EVL: variants seen among roughly 807,000 people sequenced by gnomAD.
EVL encodes the protein Enah/Vasp-like.
Under a neutral mutation model 59.6 loss-of-function variants are expected in EVL, and 21 were observed. The observed-to-expected ratio is 0.35, with a 90% CI of 0.25 to 0.51. EVL has a LOEUF of 0.51. Ranked by LOEUF, EVL falls within the 20% of genes least tolerant of loss-of-function variation. The probability of loss-of-function intolerance (pLI) is 0.97; values close to 1 mark genes in which losing one functional copy is unlikely to be tolerated. For missense variants in EVL, 462 were observed against 546.6 expected (o/e 0.85, Z 1.54); for synonymous variants, 198 against 203.5 (o/e 0.97, Z 0.23).
chr14:100,046,537 C>G (rs776265043), intron 1 of EVL, among the ~76,000 whole-genome samples: 1 of 151,934 alleles, frequency 6.6e-6, no homozygotes, highest in African/African-American at 2.4e-5. Flanking sequence ...CGTGTTGGCG[C>G]TTGCCTGTAA....
At chr14:100,061,403 C>CAAAAAAAAAAAAAAA (rs56656380), upstream of EVL, among the ~76,000 whole-genome samples, 6 of 19,088 alleles carry the variant, frequency 3.1e-4, no homozygotes, top group African/African-American at 1.3e-3. Context: ...GACCCTGTCT[C>CAAAAAAAAAAAAAAA]AAAAAAAAAA....
chr14:100,093,732 G>A (rs1461718502), intron 2 of EVL, among the ~76,000 whole-genome samples: 1 of 152,162 alleles, frequency 6.6e-6, no homozygotes, highest in Non-Finnish European at 1.5e-5. Flanking sequence ...GGCTCCAAAG[G>A]TTAGTGCTAG....
chr14:100,112,945 G>A (rs879841969), intron 3 of EVL, among the ~76,000 whole-genome samples: 6 of 152,202 alleles, frequency 3.9e-5, no homozygotes, highest in Non-Finnish European at 8.8e-5. Context: ...AATAAGACTT[G>A]GTCCCTGTGT....
chr14:100,098,894 A>G (rs754662172), intron 3 of EVL, among the ~76,000 whole-genome samples: 12 of 152,208 alleles, frequency 7.9e-5, no homozygotes, highest in Non-Finnish European at 1.8e-4. Flanking sequence ...CTAGAATGTA[A>G]AATGTTTCTC....
rs1159501123 is a variant in EVL, at chr14:100,084,687, T to C, written c.12T>C (p.Ser4=). The C allele has an allele frequency of 1.9e-6, 3 of 1,613,900 alleles. No homozygotes were observed. Among genetic ancestry groups the C allele is most frequent in the African/African-American group, 2.7e-5 (2 of 74,924 alleles). The change falls in exon 2 of 14, where the codon AGT becomes AGC. Residue 4 remains serine, a splice_region_variant and synonymous_variant. Coordinates refer to ENST00000392920, the MANE Select transcript of EVL (RefSeq NM_016337.3). ...ACACCAGTTTTTTCTTGCTCGGCAG[T>C]GAACAGAGTATCTGCCAAGCCCGGG... MAT[S]EQSICQARAS... is the part of the protein sequence containing the mutation.
At chr14:100,061,403 C>CAAAAAAAAAAAA (rs56656380), upstream of EVL, among the ~76,000 whole-genome samples, 22 of 19,086 alleles carry the variant, frequency 1.2e-3, 2 homozygotes, top group African/African-American at 4.7e-3. Context: ...GACCCTGTCT[C>CAAAAAAAAAAAA]AAAAAAAAAA....
intron 1 of EVL, among the ~76,000 whole-genome samples, chr14:100,014,057 A>G (rs2061034605): frequency 6.6e-6 from 1 of 152,148 alleles, no homozygotes; most frequent in Non-Finnish European, 1.5e-5. Flanking sequence ...TCTTTTAGTT[A>G]TTTTTAAATG....
At position 100,084,870 on chromosome 14, in the gene EVL, T is replaced by C; in HGVS notation, c.180+15T>C. On this transcript the variant is annotated intron_variant, in intron 2 of 13. Coordinates refer to ENST00000392920, the MANE Select transcript of EVL (RefSeq NM_016337.3). ...AGGATCAGCAGGTCAGTGCTGGAAT[T>C]ACAGATTATACCCGTGAGCCTGCGC... 1 of 1,613,666 alleles carries C rather than the reference T, an allele frequency of 6.2e-7. No individual in the cohort carries two copies.
upstream of EVL, among the ~76,000 whole-genome samples, chr14:100,063,631 A>C (rs1460504588): frequency 2.0e-5 from 3 of 152,238 alleles, no homozygotes; most frequent in Non-Finnish European, 4.4e-5. Flanking sequence ...AGTTGATAGA[A>C]TAATTAGACA....
rs371027624 is a variant in EVL, at chr14:99,971,612, C to G, written c.-441C>G. On this transcript the variant is annotated 5_prime_UTR_variant, in exon 1 of 14. Coordinates refer to the EVL transcript ENST00000402714. ...CTCTTGGCTGCTGTGCTGAGACTAG[C>G]CCGCGCGCCCGCGCGCCTCTCCCTC... The G allele has an allele frequency of 1.2e-3, 189 of 151,368 alleles. 1 individual carries two copies. Among genetic ancestry groups the G allele is most frequent in the African/African-American group, 4.0e-3 (165 of 41,434 alleles). The allele number at this position is 151,368 out of a possible 1,614,324, so 9.4% of individuals were successfully genotyped here.
intron 1 of EVL, among the ~76,000 whole-genome samples, chr14:99,983,223 T>C (rs1346146141): frequency 6.6e-6 from 1 of 152,148 alleles, no homozygotes; most frequent in East Asian, 1.9e-4. Flanking sequence ...CTAAGAAAGA[T>C]CCAGTGACAT....
chr14:100,137,817 T>A lies in EVL; in HGVS notation c.1094+15T>A, dbSNP rs754927835. On this transcript the variant is annotated intron_variant, in intron 11 of 13. Coordinates refer to ENST00000392920, the MANE Select transcript of EVL (RefSeq NM_016337.3). ...CCTCACTCTAGGTACCGAACAACCC[T>A]CCTGCTCACATGTCCCCCAGGGTTT... 1.9e-6 allele frequency: 3 copies of A among 1,613,444 alleles called. No individual in the cohort carries two copies. The Admixed American group carries it at 5.0e-5, about 27-fold the overall frequency.
chr14:100,100,814 A>G (rs986354403), intron 3 of EVL, among the ~76,000 whole-genome samples: 1 of 151,466 alleles, frequency 6.6e-6, no homozygotes, highest in African/African-American at 2.4e-5. Flanking sequence ...AAAAAATGGA[A>G]GTATGAACCT....
intron 1 of EVL, among the ~76,000 whole-genome samples, chr14:99,980,052 T>C (rs1452209628): frequency 6.6e-6 from 1 of 152,212 alleles, no homozygotes; most frequent in African/African-American, 2.4e-5. Context: ...TATGGGAAGA[T>C]ATACCTGGGC....
intron 2 of EVL, among the ~76,000 whole-genome samples, chr14:100,088,242 A>T (rs1407032685): frequency 1.3e-5 from 2 of 152,158 alleles, no homozygotes; most frequent in African/African-American, 2.4e-5. Flanking sequence ...CAGTCTGTAG[A>T]TTCTGTAGTT....
intron 1 of EVL, among the ~76,000 whole-genome samples, chr14:100,055,654 G>C (rs556378467): frequency 6.6e-6 from 1 of 152,118 alleles, no homozygotes; most frequent in Admixed American, 6.5e-5. Flanking sequence ...AGGTGTAGAA[G>C]TCTGGTCTGA....
rs189149330 is a variant in EVL at position 100,054,428 on chromosome 14, G to T, written c.6-30259G>T. On this transcript the variant is annotated intron_variant, in intron 1 of 13. Transcript: ENST00000402714. ...CTCCCAGGGTTAGCTAATTCCTAGA[G>T]ACAGTAAGAAGCTTTTGTTGGTGAA... Among the ~76,000 whole-genome samples the T allele has an allele frequency of 3.6e-4, 55 of 152,216 alleles. No individual in the cohort carries two copies. The East Asian group carries it at 0.01, about 28-fold the overall frequency.
intron 2 of EVL, among the ~76,000 whole-genome samples, chr14:100,088,397 G>A (rs186720850): frequency 6.6e-5 from 10 of 152,178 alleles, no homozygotes; most frequent in African/African-American, 2.4e-4. Context: ...TTAATGATGA[G>A]GATACATCCT....
chr14:100,017,400 A>C (rs2061059413), intron 1 of EVL, among the ~76,000 whole-genome samples: 1 of 152,198 alleles, frequency 6.6e-6, no homozygotes, highest in Non-Finnish European at 1.5e-5. Context: ...CTCTTCATGA[A>C]GAAGAACCAC....
Sources: allele counts gnomAD v4.1 joint callset (sites outside exome capture counted in the v4.1 genomes callset), GRCh38; gene constraint gnomAD v4.1.1; transcripts MANE v1.5; gene names NCBI Gene and HGNC (gene_info 2026-07-23, HGNC 2026-07-21).